TACC2: variants seen among roughly 807,000 people sequenced by gnomAD.
TACC2 encodes transforming acidic coiled-coil containing protein 2.
A neutral mutation model predicts 227.3 loss-of-function variants in TACC2; 137 were observed. The ratio of observed to expected loss-of-function variants is 0.60; its 90% CI spans 0.52 to 0.69. The LOEUF is 0.69. TACC2 is among the 30% of genes least tolerant of loss of function. The probability of loss-of-function intolerance (pLI) is 0.00; values close to 1 mark genes in which losing one functional copy is unlikely to be tolerated. For synonymous variants in TACC2, 1,523 were observed against 1,487.5 expected, an observed-to-expected ratio of 1.02 and a Z score of -0.55; for missense variants, 3,470 against 3,694.4, an observed-to-expected ratio of 0.94 and a Z score of 1.57.
chr10:122,087,791 T>A lies in TACC2; in HGVS notation c.5291T>A (p.Leu1764His). Residue 1764 changes from leucine to histidine, a missense_variant, in exon 4 of 23, where the codon CTT becomes CAT. Leu to His is a moderately conservative substitution (Grantham distance 99, BLOSUM62 -3). Coordinates refer to ENST00000369005, the MANE Select transcript of TACC2 (RefSeq NM_206862.4). ...CCGGGGATGGAGGGTACAGCTGCCCTTCATGGGGACAGCCCAGCCAGGCCC... is the reference window on the plus strand; with the variant it reads ...CCGGGGATGGAGGGTACAGCTGCCCATCATGGGGACAGCCCAGCCAGGCCC... ...KAPGMEGTAA[L>H]HGDSPARPQQ... 1 of 1,593,442 alleles carries A rather than the reference T, an allele frequency of 6.3e-7. No homozygotes were observed. The highest frequency in any genetic ancestry group is 8.6e-7 in the Non-Finnish European group (1 of 1,168,842).
intron 2 of TACC2, among the ~76,000 whole-genome samples, chr10:122,034,746 A>G (rs1393567842): frequency 6.6e-6 from 1 of 152,040 alleles, no homozygotes; most frequent in Non-Finnish European, 1.5e-5. Context: ...CCTGACCAAC[A>G]TGGTGAAACC....
intron 11 of TACC2, among the ~76,000 whole-genome samples, chr10:122,220,044 A>T (rs2095493272): frequency 6.6e-6 from 1 of 151,984 alleles, no homozygotes; most frequent in Admixed American, 6.5e-5. Context: ...TCTCCAAAAA[A>T]AAAAAAAGAA....
intron 1 of TACC2, among the ~76,000 whole-genome samples, chr10:121,990,487 C>T (rs972388030): frequency 4.6e-5 from 7 of 152,036 alleles, no homozygotes; most frequent in African/African-American, 4.8e-5. Flanking sequence ...TCTTATGGCA[C>T]GGGGCCAGGC....
At chr10:122,079,179 A>G (rs967014279) in intron 3 of TACC2, 1 of 152,252 alleles carries the variant, frequency 6.6e-6, no homozygotes. Context: ...TGGGTGGGAC[A>G]TAATGAAATG....
Position 122,195,030 on chromosome 10 carries a change from C to T in TACC2, c.5835-10C>T, listed in dbSNP as rs1436322362. On this transcript the variant is annotated splice_polypyrimidine_tract_variant and intron_variant, in intron 7 of 22. Coordinates refer to ENST00000369005, the MANE Select transcript of TACC2 (RefSeq NM_206862.4). ...CCCTGTCTAACCTGTGCTTCTCCCT[C>T]TCTCATCAGGAGTTCCGATTCTGAA... The T allele has an allele frequency of 6.2e-7, 1 of 1,604,538 alleles. No homozygotes were observed. Among genetic ancestry groups the T allele is most frequent in the Admixed American group, 1.7e-5 (1 of 59,502 alleles).
Position 122,084,935 on chromosome 10 carries a change from G to A in TACC2, c.2435G>A (p.Gly812Asp). 6.2e-7 allele frequency: 1 copy of A among 1,614,164 alleles called. No homozygotes were observed. Among genetic ancestry groups the A allele is most frequent in the Non-Finnish European group, 8.5e-7 (1 of 1,180,044 alleles). ...GGAATCCCATCCTGCCCAGGGGAAGGCTGGATAAGAGGAGCTGCATCCGAG... is the reference window on the plus strand; with the variant it reads ...GGAATCCCATCCTGCCCAGGGGAAGACTGGATAAGAGGAGCTGCATCCGAG... The part of the protein sequence containing the change: ...QQGIPSCPGE[G>D]WIRGAASEWP... The change falls in exon 4 of 23, where the codon GGC becomes GAC. Residue 812 changes from glycine to aspartate, a missense_variant. Physicochemically the swap from Gly to Asp is moderately conservative, Grantham distance 94 (BLOSUM62 -1). Transcript: ENST00000369005.
chr10:122,115,802 C>T (rs565665347), intron 5 of TACC2, among the ~76,000 whole-genome samples: 7 of 151,906 alleles, frequency 4.6e-5, no homozygotes, highest in South Asian at 2.1e-4. Context: ...TAGCCAAAAG[C>T]GAAGCGTTCT....
chr10:122,212,690 C>T (rs964535378), intron 9 of TACC2, among the ~76,000 whole-genome samples: 1 of 152,174 alleles, frequency 6.6e-6, no homozygotes, highest in East Asian at 1.9e-4. Flanking sequence ...ATTCTGGGCT[C>T]CCCCTAACAT....
At position 122,211,091 on chromosome 10, in the gene TACC2, A is replaced by G. The variant is rs759943943; in HGVS notation, c.6666A>G (p.Arg2222=). 3.1e-6 allele frequency: 5 copies of G among 1,612,400 alleles called. No individual in the cohort carries two copies. In the East Asian group the frequency reaches 6.7e-5, roughly 22 times the overall value. ...GVVPPASGGG[R]VQNSPPVGRK... is the part of the protein sequence containing the mutation. ...TCCCCCCGGCTTCTGGAGGTGGCAG[A>G]GTGCAGAACTCACCCCCTGTCGGGA... is the stretch of plus-strand genomic sequence containing the variant. The change falls in exon 9 of 23, where the codon AGA becomes AGG. Residue 2222 remains arginine (R), a synonymous_variant. Transcript: ENST00000369005.
intron 2 of TACC2, among the ~76,000 whole-genome samples, chr10:122,043,554 G>GTC (rs146110802): frequency 4.3e-4 from 17 of 39,554 alleles, no homozygotes; most frequent in Middle Eastern, 0.011. Flanking sequence ...CTGTCTCTCT[G>GTC]TCTCTCTCTC....
In TACC2 at chr10:122,188,751, G is replaced by A. The variant is rs552021718; in HGVS notation, c.5835-6289G>A. ...GATGGTCAGGACGGCGATGGCCAGC[G>A]CCCCGGGAACCCCAGTAACATCACA... On this transcript the variant is annotated intron_variant, in intron 7 of 22. Transcript: ENST00000369005. Among the ~76,000 whole-genome samples, 11 of 152,320 alleles carry A rather than the reference G, an allele frequency of 7.2e-5. No individual in the cohort carries two copies. The East Asian group carries it at 1.4e-3, about 19-fold the overall frequency.
chr10:122,131,201 A>G (rs1209718913), intron 5 of TACC2, among the ~76,000 whole-genome samples: 2 of 131,724 alleles, frequency 1.5e-5, no homozygotes, highest in East Asian at 4.5e-4. Context: ...AAAAAAAAAA[A>G]TCTGACTCTT....
intron 5 of TACC2, among the ~76,000 whole-genome samples, chr10:122,097,015 G>A (rs887872491): frequency 6.6e-6 from 1 of 152,040 alleles, no homozygotes; most frequent in Admixed American, 6.6e-5. Context: ...GCCTGGCCGA[G>A]GGTGTTTAGG....
chr10:122,115,271 AGTGTGTGTGTGTGTGTGTGTGTGTGT>A (rs1180604805), intron 5 of TACC2, among the ~76,000 whole-genome samples: 4 of 60,802 alleles, frequency 6.6e-5, no homozygotes, highest in South Asian at 9.8e-4. Context: ...TAGGTAGGTG[AGTGTGTGTGTGTGTGTGTGTGTGTGT>A]GTGTGTGTGT....
chr10:122,118,483 C>T (rs2138305344), intron 5 of TACC2, among the ~76,000 whole-genome samples: 1 of 152,298 alleles, frequency 6.6e-6, no homozygotes, highest in African/African-American at 2.4e-5. Context: ...TCCTCAGTAC[C>T]TTGTATTGTG....
At chr10:122,173,388 C>T (rs958058954) in intron 7 of TACC2, among the ~76,000 whole-genome samples, 4 of 152,176 alleles carry the variant, frequency 2.6e-5, no homozygotes, top group Non-Finnish European at 5.9e-5. Context: ...GAAAAGAGAG[C>T]GGGGCTCCAC....
intron 6 of TACC2, among the ~76,000 whole-genome samples, chr10:122,138,116 A>G (rs1400436860): frequency 6.6e-6 from 1 of 151,848 alleles, no homozygotes; most frequent in Non-Finnish European, 1.5e-5. Flanking sequence ...CTGACTGCAC[A>G]ATAAGATTTT....
chr10:122,056,991 A>G (rs949289327), intron 3 of TACC2, among the ~76,000 whole-genome samples: 4 of 152,172 alleles, frequency 2.6e-5, no homozygotes, highest in African/African-American at 7.2e-5. Context: ...CAAGAGTTTG[A>G]GACCAGCCTA....
At chr10:122,240,580 G>A (rs1002032095) in intron 18 of TACC2, among the ~76,000 whole-genome samples, 8 of 152,270 alleles carry the variant, frequency 5.3e-5, no homozygotes, top group South Asian at 2.1e-4. Flanking sequence ...TAAGCAGAGC[G>A]CCCGCAGCTT....
Sources: allele counts gnomAD v4.1 joint callset (sites outside exome capture counted in the v4.1 genomes callset), GRCh38; gene constraint gnomAD v4.1.1; transcripts MANE v1.5; gene names NCBI Gene and HGNC (gene_info 2026-07-23, HGNC 2026-07-21).